RGS22: variants seen among roughly 807,000 people sequenced by gnomAD.
RGS22 encodes the protein regulator of G protein signaling 22.
A neutral mutation model predicts 172.9 loss-of-function variants in RGS22; 148 were observed. The observed-to-expected ratio is 0.86, with a 90% confidence interval of 0.75 to 0.98. The LOEUF (loss-of-function observed/expected upper bound fraction) is 0.98. Ranked by LOEUF, RGS22 falls within the 50% of genes least tolerant of loss-of-function variation. RGS22 has a pLI of 0.00. For missense variants in RGS22, 1,347 were observed against 1,440.8 expected, an observed-to-expected ratio of 0.93 and a Z score of 1.05; for synonymous variants, 458 against 480.2, an observed-to-expected ratio of 0.95 and a Z score of 0.60.
chr8:100,072,122 A>T, intron 5 of RGS22, 23 bp downstream of exon 5: 1 of 1,383,978 alleles, frequency 7.2e-7, no homozygotes, highest in Non-Finnish European at 1.0e-6. Flanking sequence ...TTAAAAATAC[A>T]TATATTGATG....
chr8:100,020,948 T>C (rs1817541222), intron 14 of RGS22, among the ~76,000 whole-genome samples: 1 of 152,176 alleles, frequency 6.6e-6, no homozygotes, highest in African/African-American at 2.4e-5. Context: ...TGACGTCACT[T>C]TGGCAGCTTG....
At chr8:100,015,319 G>T (rs1400308739) in intron 14 of RGS22, among the ~76,000 whole-genome samples, 1 of 151,840 alleles carries the variant, frequency 6.6e-6, no homozygotes, top group African/African-American at 2.4e-5. Flanking sequence ...TTGAGATGGA[G>T]TCTTGCTTTG....
At chr8:100,098,207 C>G (rs1813134320) in intron 2 of RGS22, among the ~76,000 whole-genome samples, 1 of 152,080 alleles carries the variant, frequency 6.6e-6, no homozygotes, top group Admixed American at 6.5e-5. Flanking sequence ...AGGGCTGTTT[C>G]CTATTTATTC....
chr8:99,994,170 CA>C (rs1238762143), intron 20 of RGS22, among the ~76,000 whole-genome samples: 1 of 152,122 alleles, frequency 6.6e-6, no homozygotes, highest in Non-Finnish European at 1.5e-5. Flanking sequence ...ACTGAATGGG[CA>C]AAAACTGGAA....
rs181680159 is a variant in RGS22, at chr8:100,079,140, T to C, written c.339+994A>G. ...ATAGGCTATAAAGACCTCCATACAA[T>C]CAAAAATTTCTATTCACTGAAGGAA... On this transcript the variant is annotated intron_variant, in intron 4 of 27. Coordinates refer to ENST00000360863, the MANE Select transcript of RGS22 (RefSeq NM_015668.5). 1.2e-3 allele frequency among the ~76,000 whole-genome samples: 185 copies of C among 152,318 alleles called. 1 individual carries two copies. The highest frequency in any genetic ancestry group is 6.8e-3 in the Admixed American group (104 of 15,294).
intron 2 of RGS22, among the ~76,000 whole-genome samples, chr8:100,101,624 C>T (rs1813497800): frequency 6.6e-6 from 1 of 151,552 alleles, no homozygotes; most frequent in Non-Finnish European, 1.5e-5. Flanking sequence ...TTGTAATTCA[C>T]TCTCACTTTA....
At position 100,082,427 on chromosome 8, in the gene RGS22, C is replaced by T. The variant is rs900630094; in HGVS notation, c.118-2072G>A. The stretch of plus-strand genomic sequence containing the variant: ...ACAATAGTAGGTCTATTGCTCCCTT[C>T]GTGTCCATGTGTGCTCAATGTTTAG... On this transcript the variant is annotated intron_variant, in intron 3 of 27. Coordinates refer to ENST00000360863, the MANE Select transcript of RGS22 (RefSeq NM_015668.5). Among the ~76,000 whole-genome samples, 5 of 152,136 alleles carry T rather than the reference C, an allele frequency of 3.3e-5. No homozygotes were observed. The East Asian group carries it at 5.8e-4, about 18-fold the overall frequency.
chr8:100,058,522 A>G (rs1809834292), intron 9 of RGS22, among the ~76,000 whole-genome samples: 1 of 152,172 alleles, frequency 6.6e-6, no homozygotes, highest in Admixed American at 6.5e-5. Context: ...CAGAAACATT[A>G]TAGGCCACGA....
intron 12 of RGS22, among the ~76,000 whole-genome samples, chr8:100,041,023 TA>T (rs972220429): frequency 1.3e-5 from 2 of 152,180 alleles, no homozygotes; most frequent in Non-Finnish European, 2.9e-5. Flanking sequence ...TTGCATAGAA[TA>T]AAATAAATAG....
intron 14 of RGS22, among the ~76,000 whole-genome samples, chr8:100,034,105 T>C (rs1183054249): frequency 6.6e-6 from 1 of 152,116 alleles, no homozygotes; most frequent in Non-Finnish European, 1.5e-5. Context: ...GTGTTGGAAG[T>C]TCTGGCCAGG....
chr8:100,032,956 TC>T (rs545549509), intron 14 of RGS22, among the ~76,000 whole-genome samples: 96 of 152,294 alleles, frequency 6.3e-4, no homozygotes, highest in African/African-American at 2.2e-3. Context: ...ATAAAGATGT[TC>T]TTTGAAACCA....
At chr8:100,034,697 G>A (rs1251684169) in intron 14 of RGS22, among the ~76,000 whole-genome samples, 1 of 152,092 alleles carries the variant, frequency 6.6e-6, no homozygotes, top group African/African-American at 2.4e-5. Flanking sequence ...GAGGCATCAC[G>A]CTATCCGACT....
chr8:100,004,017 CA>C lies in RGS22; in HGVS notation c.2535del (p.Ala846GlnfsTer46). ...SKRTEYWDNV[P>X]AEYKHFKFSD... is the part of the protein sequence containing the mutation. ...CTAAACTTAAAATGCTTGTATTCTG[CA>C]GGAACATTATCCCAATATTCTGTTC... On this transcript the variant is annotated frameshift_variant, in exon 17 of 28. Coordinates refer to ENST00000360863, the MANE Select transcript of RGS22 (RefSeq NM_015668.5). LOFTEE classifies it high-confidence loss of function. 1 of 1,612,480 alleles carries C rather than the reference CA, an allele frequency of 6.2e-7. No homozygotes were observed. Among genetic ancestry groups the C allele is most frequent in the Non-Finnish European group, 8.5e-7 (1 of 1,179,070 alleles).
intron 14 of RGS22, among the ~76,000 whole-genome samples, chr8:100,029,995 T>G (rs1043866428): frequency 6.6e-6 from 1 of 151,906 alleles, no homozygotes; most frequent in African/African-American, 2.4e-5. Flanking sequence ...ACAAAGAAAA[T>G]TGATCTATTT....
chr8:100,060,532 A>G (rs777800079), intron 9 of RGS22, among the ~76,000 whole-genome samples: 3 of 151,256 alleles, frequency 2.0e-5, no homozygotes, highest in Non-Finnish European at 3.0e-5. Flanking sequence ...ACATACCCCT[A>G]TTCACAACTG....
chr8:100,004,272 A>G (rs1815437048), intron 16 of RGS22, 174 bp from the exon 17 acceptor site: 2 of 367,650 alleles, frequency 5.4e-6, no homozygotes, highest in Non-Finnish European at 7.5e-6. Context: ...AGATTCTAAC[A>G]TATCAAATTC....
At position 99,965,403 on chromosome 8, in the gene RGS22, A is replaced by C; in HGVS notation, c.3547T>G (p.Ser1183Ala). ...AAAGCAGTTTTGATAGCAGGCACTG[A>C]AGTATTTGCATATTGTTTGATTCCA... ...KDGIKQYANT[S>A]VPAIKTALLS... The change falls in exon 24 of 28, where the codon TCA (serine) becomes GCA (alanine). Residue 1183 changes from serine (S) to alanine (A), a missense_variant. Ser to Ala is a moderately conservative substitution (Grantham distance 99, BLOSUM62 1). Coordinates refer to ENST00000360863, the MANE Select transcript of RGS22 (RefSeq NM_015668.5). 1 of 1,612,852 alleles carries C rather than the reference A, an allele frequency of 6.2e-7. No homozygotes were observed. Among genetic ancestry groups the C allele is most frequent in the Non-Finnish European group, 8.5e-7 (1 of 1,179,120 alleles).
At chr8:99,980,843 C>T (rs1019606735) in intron 22 of RGS22, among the ~76,000 whole-genome samples, 8 of 152,160 alleles carry the variant, frequency 5.3e-5, no homozygotes, top group Non-Finnish European at 8.8e-5. Context: ...CTAGAAAACC[C>T]AGGCTAGGTT....
chr8:99,995,471 T>C (rs1043436696), intron 20 of RGS22, among the ~76,000 whole-genome samples: 2 of 152,166 alleles, frequency 1.3e-5, no homozygotes, highest in African/African-American at 4.8e-5. Context: ...CAGACACTTC[T>C]CAAAACAAGA....
Sources: allele counts gnomAD v4.1 joint callset (sites outside exome capture counted in the v4.1 genomes callset), GRCh38; gene constraint gnomAD v4.1.1; transcripts MANE v1.5; gene names NCBI Gene and HGNC (gene_info 2026-07-23, HGNC 2026-07-21).